The following ST3GAL1 variants were observed in gnomAD, a reference collection of about 807,000 sequenced individuals.
The protein encoded by ST3GAL1 is ST3 beta-galactoside alpha-2,3-sialyltransferase 1.
ST3GAL1 carries 16 observed loss-of-function variants against 34.1 expected under a neutral mutation model. The ratio of observed to expected loss-of-function variants is 0.47; its 90% CI spans 0.32 to 0.71. The LOEUF (loss-of-function observed/expected upper bound fraction) is 0.71, where lower values mean the gene tolerates loss of function less well. ST3GAL1 is among the 30% of genes least tolerant of loss of function. The pLI is 0.04. For missense variants in ST3GAL1, 353 were observed against 447.4 expected (o/e 0.79, Z 1.90); for synonymous variants, 191 against 184.7 (o/e 1.03, Z -0.28).
Position 133,514,777 on chromosome 8 carries a change from G to T in ST3GAL1, c.-428-15588C>A, listed in dbSNP as rs115197870. Among the ~76,000 whole-genome samples, 666 of 152,138 alleles carry T rather than the reference G, an allele frequency of 4.4e-3. 7 individuals carry two copies. The highest frequency in any genetic ancestry group is 0.015 in the African/African-American group (602 of 41,490). ...AGGGTCAGGGTTCAGACATCACATG[G>T]GTCTGCCCGCTAAGACCCTCGAGAT... On this transcript the variant is annotated intron_variant, in intron 2 of 9. Transcript: ENST00000522652.
Position 133,547,160 on chromosome 8 carries a change from C to T in ST3GAL1, c.-581-1234G>A, listed in dbSNP as rs1273502172. On this transcript the variant is annotated intron_variant, in intron 1 of 9. Transcript: ENST00000522652. ...CTCCCCTCCCAGCATGAGGGAGAATCGAAGTTTGGCCACGAGACTTGCTTT... is the reference window on the plus strand; with the variant it reads ...CTCCCCTCCCAGCATGAGGGAGAATTGAAGTTTGGCCACGAGACTTGCTTT... Among the ~76,000 whole-genome samples the T allele has an allele frequency of 2.0e-5, 3 of 152,150 alleles. No individual in the cohort carries two copies. The East Asian group carries it at 5.8e-4, about 29-fold the overall frequency.
intron 2 of ST3GAL1, among the ~76,000 whole-genome samples, chr8:133,529,008 A>G (rs1158519079): frequency 1.3e-5 from 2 of 152,256 alleles, no homozygotes; most frequent in Admixed American, 1.3e-4. Context: ...GCTAAGACAC[A>G]TGGGGCTCTG....
intron 3 of ST3GAL1, among the ~76,000 whole-genome samples, chr8:133,481,967 C>A (rs1258488170): frequency 6.6e-6 from 1 of 151,926 alleles, no homozygotes; most frequent in Admixed American, 6.6e-5. Context: ...TTTGGTTGAC[C>A]TAGCAGTCCT....
chr8:133,521,715 A>G (rs1302541245), intron 2 of ST3GAL1, among the ~76,000 whole-genome samples: 6 of 152,244 alleles, frequency 3.9e-5, no homozygotes, highest in Admixed American at 2.6e-4. Context: ...GAAGTTTTCA[A>G]TCATTAATAA....
chr8:133,500,608 T>C (rs922362570), intron 2 of ST3GAL1, among the ~76,000 whole-genome samples: 2 of 152,190 alleles, frequency 1.3e-5, no homozygotes, highest in Non-Finnish European at 2.9e-5. Flanking sequence ...ATTCACTGGC[T>C]GTACATCCTG....
intron 3 of ST3GAL1, among the ~76,000 whole-genome samples, chr8:133,491,410 A>T (rs138148352): frequency 1.1e-3 from 173 of 152,198 alleles, no homozygotes; most frequent in African/African-American, 3.9e-3. Flanking sequence ...GCTGATAAAG[A>T]AGAGACAATT....
chr8:133,523,312 T>C, intron 2 of ST3GAL1, among the ~76,000 whole-genome samples: 1 of 152,128 alleles, frequency 6.6e-6, no homozygotes, highest in East Asian at 1.9e-4. Flanking sequence ...ACCTCTGTCC[T>C]AGCACAAGTC....
chr8:133,568,889 AGAC>A (rs1344646179), intron 1 of ST3GAL1, among the ~76,000 whole-genome samples: 1 of 152,206 alleles, frequency 6.6e-6, no homozygotes, highest in African/African-American at 2.4e-5. Context: ...TCAAGCTCAC[AGAC>A]GACTTCATCC....
rs184941282 is a variant in ST3GAL1, at chr8:133,518,587, G to C, written c.-428-19398C>G. ...TAGTCAAGGACTTCAGGTTTGCCCA[G>C]CACTGCTGGAAGCTGGGAATACAAA... On this transcript the variant is annotated intron_variant, in intron 2 of 9. Transcript: ENST00000522652. 9.3e-4 allele frequency among the ~76,000 whole-genome samples: 141 copies of C among 152,298 alleles called. 1 individual carries two copies. The highest frequency in any genetic ancestry group is 3.3e-3 in the African/African-American group (137 of 41,556).
At chr8:133,551,376 G>A (rs949934911) in intron 1 of ST3GAL1, among the ~76,000 whole-genome samples, 1 of 151,928 alleles carries the variant, frequency 6.6e-6, no homozygotes. Context: ...GCTGAGGCAG[G>A]AGAATCACTT....
chr8:133,538,043 G>C (rs1257207366), intron 2 of ST3GAL1, among the ~76,000 whole-genome samples: 1 of 152,196 alleles, frequency 6.6e-6, no homozygotes, highest in Non-Finnish European at 1.5e-5. Flanking sequence ...CTGCATTTGA[G>C]GGCACTGCGG....
chr8:133,541,110 T>TAGAGAGAGAGAGAG lies in ST3GAL1; in HGVS notation c.-429+4663_-429+4664insCTCTCTCTCTCTCT, dbSNP rs1488410302. Among the ~76,000 whole-genome samples, 13 of 42,026 alleles carry TAGAGAGAGAGAGAG rather than the reference T, an allele frequency of 3.1e-4. No homozygotes were observed. In the East Asian group the frequency reaches 4.4e-3, roughly 14 times the overall value. The allele number at this position is 42,026 out of a possible 152,430, so 27.6% of individuals were successfully genotyped here. A position where few individuals can be genotyped will look rare whatever the true frequency, so the allele number is the denominator to read the frequency against. On this transcript the variant is annotated intron_variant, in intron 2 of 9. Transcript: ENST00000522652. ...ATATATATAAACATATATATATATATATATATATATAGAGAGAGAGAGAGA... is the reference window on the plus strand; with the variant it reads ...ATATATATAAACATATATATATATATAGAGAGAGAGAGAGATATATATATAGAGAGAGAGAGAGA...
At chr8:133,492,214 G>A (rs920569426) in intron 3 of ST3GAL1, among the ~76,000 whole-genome samples, 1 of 152,256 alleles carries the variant, frequency 6.6e-6, no homozygotes, top group East Asian at 1.9e-4. Flanking sequence ...TGGGGGTCAG[G>A]AGGCGTGGAC....
rs71299078 is a variant in ST3GAL1 at position 133,541,120 on chromosome 8, T to TATAGAGAGAGAG, written c.-429+4653_-429+4654insCTCTCTCTCTAT. On this transcript the variant is annotated intron_variant, in intron 2 of 9. Transcript: ENST00000522652. ...ACATATATATATATATATATATATA[T>TATAGAGAGAGAG]AGAGAGAGAGAGAGAGAGAGAGAGA... Among the ~76,000 whole-genome samples the TATAGAGAGAGAG allele has an allele frequency of 9.5e-3, 462 of 48,624 alleles. 45 individuals are homozygous for TATAGAGAGAGAG. Among genetic ancestry groups the TATAGAGAGAGAG allele is most frequent in the African/African-American group, 0.016 (159 of 10,132 alleles). The allele number at this position is 48,624 out of a possible 152,430, so 31.9% of individuals were successfully genotyped here. A position where few individuals can be genotyped will look rare whatever the true frequency, so the allele number is the denominator to read the frequency against.
At chr8:133,487,686 T>C (rs1054311754) in intron 3 of ST3GAL1, among the ~76,000 whole-genome samples, 8 of 152,202 alleles carry the variant, frequency 5.3e-5, no homozygotes, top group African/African-American at 1.9e-4. Context: ...CAAAGTAGAA[T>C]GGCTGGGTGT....
At chr8:133,540,982 CATATATATAGACAT>C (rs1187666575) in intron 2 of ST3GAL1, among the ~76,000 whole-genome samples, 3 of 92,978 alleles carry the variant, frequency 3.2e-5, no homozygotes, top group Non-Finnish European at 6.8e-5. Flanking sequence ...TATATGCAGA[CATATATATAGACAT>C]ATATATATAG....
intron 7 of ST3GAL1, 67 bp from the exon 8 acceptor site, chr8:133,463,526 C>T: frequency 6.5e-7 from 1 of 1,549,296 alleles, no homozygotes; most frequent in Admixed American, 1.7e-5. Context: ...GGGCATGCAG[C>T]TCTGGGGGTA....
intron 3 of ST3GAL1, among the ~76,000 whole-genome samples, chr8:133,477,063 TG>T (rs1337161355): frequency 1.4e-4 from 21 of 152,304 alleles, no homozygotes; most frequent in African/African-American, 5.1e-4. Context: ...CTCTGCCAAT[TG>T]GCCTCAGTTC....
At chr8:133,501,979 G>A (rs1264239833) in intron 2 of ST3GAL1, among the ~76,000 whole-genome samples, 1 of 152,106 alleles carries the variant, frequency 6.6e-6, no homozygotes, top group East Asian at 1.9e-4. Flanking sequence ...TGCAGCCCAG[G>A]GCACCTCAAA....
Sources: allele counts gnomAD v4.1 joint callset (sites outside exome capture counted in the v4.1 genomes callset), GRCh38; gene constraint gnomAD v4.1.1; transcripts MANE v1.5; gene names NCBI Gene and HGNC (gene_info 2026-07-23, HGNC 2026-07-21).